Variants in GALNT13 observed in about 807,000 individuals in gnomAD.
GALNT13 encodes UDP-GalNAc:polypeptide N-acetylgalactosaminyltransferase 13.
GALNT13 carries 28 observed loss-of-function variants against 64.2 expected under a neutral mutation model. That is an observed-to-expected ratio of 0.44 (90% CI 0.32 to 0.60). The LOEUF is 0.60. Among genes scored for constraint, GALNT13 ranks in the 20% least tolerant of loss-of-function variants. The pLI is 0.05. For missense variants in GALNT13, 577 were observed against 669.8 expected (o/e 0.86, Z 1.53); for synonymous variants, 214 against 224.6 (o/e 0.95, Z 0.42).
At chr2:153,914,793 T>C (rs532404024) in intron 2 of GALNT13, among the ~76,000 whole-genome samples, 7 of 152,310 alleles carry the variant, frequency 4.6e-5, no homozygotes, top group South Asian at 2.1e-4. Flanking sequence ...GTGTTTTTTT[T>C]CCAACCCTTT....
At chr2:153,630,986 G>A in the GALNT13 span, among the ~76,000 whole-genome samples, 2 of 150,724 alleles carry the variant, frequency 1.3e-5, no homozygotes, top group African/African-American at 4.9e-5. Flanking sequence ...ACAGGCCCCG[G>A]TGTGCGATGT....
chr2:153,936,552 A>G (rs752761277), intron 2 of GALNT13, among the ~76,000 whole-genome samples: 1 of 152,054 alleles, frequency 6.6e-6, no homozygotes, highest in African/African-American at 2.4e-5. Flanking sequence ...TAGGATGGTG[A>G]TGTAGGCACC....
the GALNT13 span, among the ~76,000 whole-genome samples, chr2:153,351,125 G>T: frequency 6.6e-6 from 1 of 152,138 alleles, no homozygotes. Flanking sequence ...TGAGGAAATA[G>T]AAAACATTCT....
At chr2:154,386,075 ACT>A (rs1316609060) in intron 9 of GALNT13, among the ~76,000 whole-genome samples, 3 of 151,868 alleles carry the variant, frequency 2.0e-5, no homozygotes, top group South Asian at 2.1e-4. Context: ...TTTTGTACTG[ACT>A]CTCAATATCT....
At chr2:153,181,026 G>GTTTTTTTTTTTT in the GALNT13 span, among the ~76,000 whole-genome samples, 6 of 24,772 alleles carry the variant, frequency 2.4e-4, no homozygotes, top group Admixed American at 4.4e-4. Context: ...GGTTTTTATT[G>GTTTTTTTTTTTT]TTTCTTTTTT....
chr2:154,283,897 T>C (rs943444973), intron 8 of GALNT13, among the ~76,000 whole-genome samples: 1 of 152,200 alleles, frequency 6.6e-6, no homozygotes, highest in Admixed American at 6.5e-5. Flanking sequence ...AGTCAAAAAC[T>C]GTTTACAGGA....
In GALNT13 at chr2:154,153,025, A is replaced by G. The variant is rs528049211; in HGVS notation, c.311+12520A>G. Among the ~76,000 whole-genome samples, 7 of 152,104 alleles carry G rather than the reference A, an allele frequency of 4.6e-5. No homozygotes were observed. The East Asian group carries it at 1.4e-3, about 30-fold the overall frequency. On this transcript the variant is annotated intron_variant, in intron 4 of 12. Transcript: ENST00000392825. ...AGGCGCTCTGCTTTTTAGAGTTTCC[A>G]GTTTTTCTGCTCTGTTTTTTCCCCA... is the stretch of plus-strand genomic sequence containing the variant.
chr2:153,973,233 A>G (rs1247095109), intron 3 of GALNT13, among the ~76,000 whole-genome samples: 1 of 152,010 alleles, frequency 6.6e-6, no homozygotes, highest in Non-Finnish European at 1.5e-5. Context: ...CTAGAGCTCT[A>G]TTTAAAAATT....
At chr2:153,118,594 T>A in the GALNT13 span, among the ~76,000 whole-genome samples, 1 of 152,158 alleles carries the variant, frequency 6.6e-6, no homozygotes, top group Non-Finnish European at 1.5e-5. Flanking sequence ...CTGATCTGTG[T>A]AGCTGTAGGG....
At chr2:153,944,157 C>T (rs556444037) in intron 2 of GALNT13, among the ~76,000 whole-genome samples, 1 of 151,798 alleles carries the variant, frequency 6.6e-6, no homozygotes, top group Admixed American at 6.6e-5. Flanking sequence ...TTAAAGGAAT[C>T]AAGTAGTTTG....
the GALNT13 span, among the ~76,000 whole-genome samples, chr2:153,250,177 A>G: frequency 6.6e-6 from 1 of 152,232 alleles, no homozygotes; most frequent in Non-Finnish European, 1.5e-5. Context: ...CAAGGAACTT[A>G]AACAAATTTA....
chr2:154,278,705 A>C (rs1211342337), intron 8 of GALNT13, among the ~76,000 whole-genome samples: 2 of 152,168 alleles, frequency 1.3e-5, no homozygotes, highest in Admixed American at 1.3e-4. Flanking sequence ...GGAAGTAGGA[A>C]TAATGTAAGC....
At chr2:153,753,732 CA>C in the GALNT13 span, among the ~76,000 whole-genome samples, 1 of 152,210 alleles carries the variant, frequency 6.6e-6, no homozygotes. Flanking sequence ...TATGTTCACT[CA>C]AGGCCATGAG....
the GALNT13 span, among the ~76,000 whole-genome samples, chr2:153,705,003 G>A: frequency 6.6e-6 from 1 of 152,166 alleles, no homozygotes; most frequent in Admixed American, 6.5e-5. Flanking sequence ...TTAATTTTGG[G>A]ATGGTCATGT....
chr2:153,434,216 A>G, the GALNT13 span, among the ~76,000 whole-genome samples: 28 of 152,132 alleles, frequency 1.8e-4, no homozygotes, highest in African/African-American at 6.0e-4. Flanking sequence ...CATTTTCTTA[A>G]TCCAGTCTAT....
At chr2:153,558,974 A>T in the GALNT13 span, among the ~76,000 whole-genome samples, 1 of 152,210 alleles carries the variant, frequency 6.6e-6, no homozygotes, top group Non-Finnish European at 1.5e-5. Flanking sequence ...TGCTTGGTGC[A>T]TAGAAATGTT....
the GALNT13 span, among the ~76,000 whole-genome samples, chr2:153,637,773 C>G: frequency 6.6e-6 from 1 of 152,076 alleles, no homozygotes; most frequent in Non-Finnish European, 1.5e-5. Flanking sequence ...TAAAAATAAC[C>G]ATATGTAATT....
the GALNT13 span, among the ~76,000 whole-genome samples, chr2:153,154,097 G>A: frequency 6.6e-6 from 1 of 152,012 alleles, no homozygotes; most frequent in South Asian, 2.1e-4. Flanking sequence ...GGTTCTCCCT[G>A]TAGAGATCTT....
chr2:153,265,562 G>T, the GALNT13 span, among the ~76,000 whole-genome samples: 18 of 152,270 alleles, frequency 1.2e-4, no homozygotes, highest in African/African-American at 3.8e-4. Flanking sequence ...GGGAGTGGTT[G>T]TATAGGTGAT....
Sources: gnomAD v4.1 joint callset for allele counts (sites outside exome capture counted in the v4.1 genomes callset) on GRCh38, gnomAD v4.1.1 for gene constraint, MANE v1.5 for transcripts, NCBI Gene and HGNC (gene_info 2026-07-23, HGNC 2026-07-21) for gene names.